The following SLC39A14 variants were observed in gnomAD, a reference collection of about 807,000 sequenced individuals.
The protein encoded by SLC39A14 is metal cation symporter ZIP14.
A neutral mutation model predicts 45.5 loss-of-function variants in SLC39A14; 19 were observed. That is an observed-to-expected ratio of 0.42 (90% CI 0.29 to 0.61). The LOEUF (loss-of-function observed/expected upper bound fraction) is 0.61, where lower values mean the gene tolerates loss of function less well. SLC39A14 is among the 20% of genes least tolerant of loss of function. SLC39A14 has a pLI of 0.22. For missense variants in SLC39A14, 447 were observed against 616.5 expected, an observed-to-expected ratio of 0.73 and a Z score of 2.91; for synonymous variants, 264 against 251.3, an observed-to-expected ratio of 1.05 and a Z score of -0.48.
chr8:22,394,450 G>A (rs1834261383), intron 1 of SLC39A14, among the ~76,000 whole-genome samples: 1 of 151,338 alleles, frequency 6.6e-6, no homozygotes, highest in African/African-American at 2.4e-5. Context: ...CTCCCAAGTA[G>A]CTGGTACTAC....
Position 22,420,191 on chromosome 8 carries a change from T to C in SLC39A14, c.*493T>C, listed in dbSNP as rs896837162. 1 of 985,906 alleles carries C rather than the reference T, an allele frequency of 1.0e-6. No individual in the cohort carries two copies. Among genetic ancestry groups the C allele is most frequent in the Admixed American group, 6.1e-5 (1 of 16,342 alleles). The allele number at this position is 985,906 out of a possible 1,614,324, so 61.1% of individuals were successfully genotyped here. A position where few individuals can be genotyped will look rare whatever the true frequency, so the allele number is the denominator to read the frequency against. On this transcript the variant is annotated 3_prime_UTR_variant, in exon 9 of 9. Transcript: ENST00000381237. Reference sequence around the variant, plus strand: ...ACAGGAGACAGGAAGCCTTCCCATTTTTTCAAAGTCTGTTTAATTGCCTAT... The same window carrying C: ...ACAGGAGACAGGAAGCCTTCCCATTCTTTCAAAGTCTGTTTAATTGCCTAT...
chr8:22,415,075 G>C (rs538262261), intron 5 of SLC39A14, 173 bp downstream of exon 5: 2 of 748,354 alleles, frequency 2.7e-6, no homozygotes, highest in South Asian at 3.9e-5. Flanking sequence ...TATTTGGCCA[G>C]AAGTGAGGCC....
intron 1 of SLC39A14, among the ~76,000 whole-genome samples, chr8:22,386,082 G>A (rs529109008): frequency 1.9e-4 from 29 of 152,118 alleles, no homozygotes; most frequent in African/African-American, 6.7e-4. Context: ...TGGAACTACA[G>A]GTGTGCACCA....
At chr8:22,432,609 G>C (rs1045307355) in intron 8 of SLC39A14, among the ~76,000 whole-genome samples, 4 of 151,230 alleles carry the variant, frequency 2.6e-5, no homozygotes, top group African/African-American at 9.7e-5. Flanking sequence ...CTCCCGAGTA[G>C]CTGGGACCAC....
downstream of SLC39A14, among the ~76,000 whole-genome samples, chr8:22,424,983 C>G (rs183056441): frequency 7.3e-6 from 1 of 137,784 alleles, no homozygotes; most frequent in African/African-American, 2.7e-5. Context: ...GAGCCAAGAT[C>G]GTGCTACTGC....
chr8:22,386,787 G>T (rs1336681275), intron 1 of SLC39A14, among the ~76,000 whole-genome samples: 1 of 152,182 alleles, frequency 6.6e-6, no homozygotes, highest in East Asian at 1.9e-4. Flanking sequence ...ATGATCTCTT[G>T]TCCTCAGGGA....
Position 22,408,387 on chromosome 8 carries a change from G to T in SLC39A14, c.348G>T (p.Glu116Asp). The T allele has an allele frequency of 6.2e-7, 1 of 1,614,232 alleles. No homozygotes were observed. Among genetic ancestry groups the T allele is most frequent in the Non-Finnish European group, 8.5e-7 (1 of 1,180,042 alleles). ...GGATTGGGAGCAGCGAGCTCCAGGA[G>T]TTCTGCCCCACCATCCTCCAGCAGC... ...QSRIGSSELQ[E>D]FCPTILQQLD... Residue 116 changes from glutamate (E) to aspartate (D), a missense_variant, in exon 3 of 9, where the codon GAG becomes GAT. Glu to Asp is a conservative substitution (Grantham distance 45). Transcript: ENST00000381237.
At chr8:22,429,501 G>A (rs1836436833) in intron 8 of SLC39A14, among the ~76,000 whole-genome samples, 1 of 152,218 alleles carries the variant, frequency 6.6e-6, no homozygotes, top group African/African-American at 2.4e-5. Flanking sequence ...CTCTGTACTA[G>A]TAGTAATTAA....
chr8:22,397,674 G>A (rs1834583735), intron 1 of SLC39A14, among the ~76,000 whole-genome samples: 1 of 152,046 alleles, frequency 6.6e-6, no homozygotes, highest in African/African-American at 2.4e-5. Context: ...TTTTCCCTAC[G>A]CCTGGGCTCC....
intron 1 of SLC39A14, among the ~76,000 whole-genome samples, chr8:22,388,482 T>C (rs1417970477): frequency 6.6e-6 from 1 of 151,280 alleles, no homozygotes; most frequent in Non-Finnish European, 1.5e-5. Context: ...GAGAGACCCC[T>C]GACTCCCAGG....
intron 1 of SLC39A14, chr8:22,398,755 C>G: frequency 1.0e-6 from 1 of 985,302 alleles, no homozygotes. Flanking sequence ...ACAGAAGTGC[C>G]GCTTCTAGGC....
At chr8:22,387,800 T>C (rs1833867311) in intron 1 of SLC39A14, among the ~76,000 whole-genome samples, 1 of 152,172 alleles carries the variant, frequency 6.6e-6, no homozygotes, top group African/African-American at 2.4e-5. Flanking sequence ...GCAGGGAGCT[T>C]TAAGAAGACA....
At chr8:22,425,534 C>CTTT (rs34521121), downstream of SLC39A14, among the ~76,000 whole-genome samples, 648 of 144,544 alleles carry the variant, frequency 4.5e-3, 6 homozygotes, top group African/African-American at 0.016. Flanking sequence ...TTTCGGCTGA[C>CTTT]TTTTTTTTTT....
downstream of SLC39A14, among the ~76,000 whole-genome samples, chr8:22,423,767 T>G (rs1370764319): frequency 6.6e-6 from 1 of 151,152 alleles, no homozygotes; most frequent in Non-Finnish European, 1.5e-5. Context: ...GCGCCTGGCC[T>G]ATACTCACTT....
At chr8:22,392,796 C>T (rs1002694355) in intron 1 of SLC39A14, 3 of 152,496 alleles carry the variant, frequency 2.0e-5, no homozygotes, top group African/African-American at 4.8e-5. Flanking sequence ...TCCCTCCCTC[C>T]TCCTGGCTCC....
chr8:22,393,120 G>A (rs1305429334), intron 1 of SLC39A14: 5 of 767,326 alleles, frequency 6.5e-6, no homozygotes, highest in Non-Finnish European at 6.3e-6. Context: ...TCCGCTGGCC[G>A]CCCTCCTGCA....
intron 5 of SLC39A14, 168 bp from the exon 6 acceptor site, chr8:22,415,600 CT>C (rs1835825448): frequency 1.6e-6 from 1 of 624,026 alleles, no homozygotes. Context: ...CCGACCATGG[CT>C]TTATATAATA....
At chr8:22,376,010 C>A (rs1333251319) in intron 1 of SLC39A14, among the ~76,000 whole-genome samples, 1 of 152,202 alleles carries the variant, frequency 6.6e-6, no homozygotes, top group Non-Finnish European at 1.5e-5. Context: ...TCACTAATGT[C>A]CATTTGCTGT....
chr8:22,390,278 A>G (rs182091345), intron 1 of SLC39A14: 1 of 149,242 alleles, frequency 6.7e-6, no homozygotes, highest in Admixed American at 6.7e-5. Context: ...GAACAACTCC[A>G]TGTTTCCTTT....
Sources: allele counts gnomAD v4.1 joint callset (sites outside exome capture counted in the v4.1 genomes callset), GRCh38; gene constraint gnomAD v4.1.1; transcripts MANE v1.5; gene names NCBI Gene and HGNC (gene_info 2026-07-23, HGNC 2026-07-21).